Variants in PCDHGA7 observed in about 807,000 individuals in gnomAD.
PCDHGA7 encodes protocadherin gamma-A7.
PCDHGA7 carries 44 observed loss-of-function variants against 58.3 expected under a neutral mutation model. The observed-to-expected ratio is 0.75, with a 90% CI of 0.59 to 0.97. The LOEUF (loss-of-function observed/expected upper bound fraction) is 0.97, where lower values mean the gene tolerates loss of function less well. Ranked by LOEUF, PCDHGA7 falls within the 50% of genes least tolerant of loss-of-function variation. The pLI is 0.00. For missense variants in PCDHGA7, 1,266 were observed against 1,188.7 expected (o/e 1.06, Z -0.96); for synonymous variants, 516 against 504.2 (o/e 1.02, Z -0.31).
chr5:141,399,807 C>T, intron 1 of PCDHGA7: 1 of 1,613,222 alleles, frequency 6.2e-7, no homozygotes, highest in Non-Finnish European at 8.5e-7. Context: ...GGGTGCTGTA[C>T]CCCGCGCTGG....
intron 3 of PCDHGA7, among the ~76,000 whole-genome samples, chr5:141,510,378 C>A (rs919650449): frequency 6.6e-6 from 1 of 151,786 alleles, no homozygotes; most frequent in East Asian, 2.0e-4. Flanking sequence ...TCTACTCGTG[C>A]CAGGCCTTGC....
Position 141,485,261 on chromosome 5 carries a change from C to G in PCDHGA7, c.2425-9546C>G, listed in dbSNP as rs759268725. 1 of 1,614,076 alleles carries G rather than the reference C, an allele frequency of 6.2e-7. No homozygotes were observed. The highest frequency in any genetic ancestry group is 8.5e-7 in the Non-Finnish European group (1 of 1,179,904). On this transcript the variant is annotated intron_variant, in intron 1 of 3. Transcript: ENST00000518325. This position sits in a 1 kb window ranked among gnomAD's most constrained non-coding sequence, Gnocchi z 5.7. The stretch of plus-strand genomic sequence containing the variant: ...TTACCACCTGGGTTACGTTTGTGGG[C>G]AGATCCGCTACCCGGTCCCAGAGGA...
chr5:141,478,758 T>C (rs1333135263), intron 1 of PCDHGA7: 2 of 1,515,540 alleles, frequency 1.3e-6, no homozygotes, highest in South Asian at 1.3e-5. Flanking sequence ...AGGGGGAAGA[T>C]ACTTGACTCA....
chr5:141,476,801 C>A lies in PCDHGA7; in HGVS notation c.2425-18006C>A, dbSNP rs752954707. The A allele has an allele frequency of 5.8e-5, 94 of 1,613,468 alleles. No homozygotes were observed. The highest frequency in any genetic ancestry group is 7.9e-5 in the Non-Finnish European group (93 of 1,180,028). The stretch of plus-strand genomic sequence containing the variant: ...GACCCCAGCTCTCTCCGCCAGCCTG[C>A]CTATTCACATCAAGGTGCTGGACGC... On this transcript the variant is annotated intron_variant, in intron 1 of 3. Transcript: ENST00000518325. This position sits in a 1 kb window ranked among gnomAD's most constrained non-coding sequence, Gnocchi z 7.6.
intron 1 of PCDHGA7, chr5:141,399,213 T>G (rs2093770836): frequency 6.2e-7 from 1 of 1,613,970 alleles, no homozygotes; most frequent in East Asian, 2.2e-5. Context: ...GAACACTAAT[T>G]GCTTTGATCA....
intron 1 of PCDHGA7, among the ~76,000 whole-genome samples, chr5:141,429,664 ATTATT>A (rs2097234085): frequency 6.6e-6 from 1 of 152,214 alleles, no homozygotes; most frequent in Non-Finnish European, 1.5e-5. Context: ...TTTAAAATAT[ATTATT>A]TTATTTTATG....
chr5:141,493,560 C>T lies in PCDHGA7; in HGVS notation c.2425-1247C>T, dbSNP rs1222578153. ...TTATCCTTTTGGAGATTGAGTTCCCCCAGCTCCGTTTCCTCCTATCACAAT... is the reference window on the plus strand; with the variant it reads ...TTATCCTTTTGGAGATTGAGTTCCCTCAGCTCCGTTTCCTCCTATCACAAT... On this transcript the variant is annotated intron_variant, in intron 1 of 3. Transcript: ENST00000518325. The surrounding 1 kb of genome is among the most constrained non-coding windows in gnomAD (Gnocchi z 4.3). Among the ~76,000 whole-genome samples, 4 of 152,162 alleles carry T rather than the reference C, an allele frequency of 2.6e-5. No individual in the cohort carries two copies. The highest frequency in any genetic ancestry group is 2.1e-4 in the South Asian group (1 of 4,830).
intron 1 of PCDHGA7, chr5:141,422,195 A>G: frequency 6.4e-7 from 1 of 1,562,278 alleles, no homozygotes; most frequent in African/African-American, 1.4e-5. Flanking sequence ...ATTCAAGGCC[A>G]AGATGGTGGA....
rs769074023 is a variant in PCDHGA7, at chr5:141,491,738, G to A, written c.2425-3069G>A. ...GCGCCGCCCCGGGCGACCCCTGGGG[G>A]CGGCACTGGAGAAGCCGCCCGTCCT... On this transcript the variant is annotated intron_variant, in intron 1 of 3. Transcript: ENST00000518325. The surrounding 1 kb of genome is among the most constrained non-coding windows in gnomAD (Gnocchi z 6.9). 6.2e-7 allele frequency: 1 copy of A among 1,600,346 alleles called. No homozygotes were observed. The highest frequency in any genetic ancestry group is 8.5e-7 in the Non-Finnish European group (1 of 1,174,196).
chr5:141,422,775 T>G (rs1179216247), intron 1 of PCDHGA7: 1 of 1,614,046 alleles, frequency 6.2e-7, no homozygotes, highest in Non-Finnish European at 8.5e-7. Context: ...GTGTTCTCTA[T>G]GCCCTACAAT....
intron 1 of PCDHGA7, among the ~76,000 whole-genome samples, chr5:141,472,437 G>A (rs1332528325): frequency 6.6e-6 from 1 of 152,116 alleles, no homozygotes; most frequent in Non-Finnish European, 1.5e-5. Flanking sequence ...CTACTAGGGA[G>A]GCTGAGGCAG....
At chr5:141,394,435 C>G (rs1473725556) in intron 1 of PCDHGA7, 1 of 1,614,246 alleles carries the variant, frequency 6.2e-7, no homozygotes, top group Non-Finnish European at 8.5e-7. Flanking sequence ...GGGGACCCGC[C>G]CCTCAGCAGC....
intron 1 of PCDHGA7, chr5:141,394,163 T>C (rs1207627975): frequency 3.7e-6 from 6 of 1,613,782 alleles, no homozygotes; most frequent in Non-Finnish European, 5.1e-6. Flanking sequence ...ACAACCCTCC[T>C]ACTTTCCCTC....
rs368778165 is a variant in PCDHGA7 at position 141,383,606 on chromosome 5, A to G, written c.707A>G (p.Asn236Ser). 1 of 1,613,768 alleles carries G rather than the reference A, an allele frequency of 6.2e-7. No homozygotes were observed. The highest frequency in any genetic ancestry group is 8.5e-7 in the Non-Finnish European group (1 of 1,179,874). The change falls in exon 1 of 4, where the codon AAT (asparagine) becomes AGT (serine). Residue 236 changes from asparagine (N) to serine (S), a missense_variant. Transcript: ENST00000518325. Reference sequence around the variant, plus strand: ...ATCCAGGTGACAGTGGTGGATGTGAATGACCACACGCCTGTCTTCTCTCTG... The same window carrying G: ...ATCCAGGTGACAGTGGTGGATGTGAGTGACCACACGCCTGTCTTCTCTCTG... ...AHIQVTVVDV[N>S]DHTPVFSLPQ...
chr5:141,448,464 T>C lies in PCDHGA7; in HGVS notation c.2425-46343T>C, dbSNP rs186054602. Among the ~76,000 whole-genome samples the C allele has an allele frequency of 2.6e-3, 402 of 152,296 alleles. 10 individuals are homozygous for C. The highest frequency in any genetic ancestry group is 0.023 in the Admixed American group (357 of 15,282). ...CTGACTTCCATCCCTATCCTACTCCTATTCCACCCTTGCTTCCTCCTGTCC... is the reference window on the plus strand; with the variant it reads ...CTGACTTCCATCCCTATCCTACTCCCATTCCACCCTTGCTTCCTCCTGTCC... On this transcript the variant is annotated intron_variant, in intron 1 of 3. Transcript: ENST00000518325.
In PCDHGA7 at chr5:141,415,732, T is replaced by C. The variant is rs1159160519; in HGVS notation, c.2424+30409T>C. 4 of 1,411,138 alleles carry C rather than the reference T, an allele frequency of 2.8e-6. No individual in the cohort carries two copies. In the South Asian group the frequency reaches 5.0e-5, roughly 18 times the overall value. The allele number at this position is 1,411,138 out of a possible 1,614,324, so 87.4% of individuals were successfully genotyped here. ...AACACTGATGAGTAGAATTTGATGT[T>C]TATTAAGGTTTTTTTTTTTTTTTTT... On this transcript the variant is annotated intron_variant, in intron 1 of 3. Coordinates refer to ENST00000518325, the MANE Select transcript of PCDHGA7 (RefSeq NM_018920.4).
At chr5:141,460,453 A>G (rs1487816393) in intron 1 of PCDHGA7, among the ~76,000 whole-genome samples, 1 of 152,152 alleles carries the variant, frequency 6.6e-6, no homozygotes, top group Non-Finnish European at 1.5e-5. Flanking sequence ...ATGAAGATTC[A>G]TATTTTTTTC....
rs1485520054 is a variant in PCDHGA7 at position 141,511,210 on chromosome 5, C to T, written c.*37C>T. 6.2e-7 allele frequency: 1 copy of T among 1,609,328 alleles called. No individual in the cohort carries two copies. The highest frequency in any genetic ancestry group is 1.3e-5 in the African/African-American group (1 of 74,896). ...GGCCAAGAGCCACAGGGCGGCCTCT[C>T]CCCAACCAGCCCAGCTTCTCCTTAC... On this transcript the variant is annotated 3_prime_UTR_variant, in exon 4 of 4. Transcript: ENST00000518325.
rs1001717368 is a variant in PCDHGA7 at position 141,405,559 on chromosome 5, G to A, written c.2424+20236G>A. ...CTCAGCCTCCCAAGTAGAGTAGCTG[G>A]GACTAGAGTAGAGTAGCTGGGACTA... On this transcript the variant is annotated intron_variant, in intron 1 of 3. Transcript: ENST00000518325. 1.8e-5 allele frequency: 11 copies of A among 614,566 alleles called. No individual in the cohort carries two copies. In the Admixed American group the frequency reaches 2.9e-4, roughly 16 times the overall value. The allele number at this position is 614,566 out of a possible 1,614,324, so 38.1% of individuals were successfully genotyped here.
Sources: allele counts gnomAD v4.1 joint callset (sites outside exome capture counted in the v4.1 genomes callset), GRCh38; gene constraint gnomAD v4.1.1; non-coding constraint Gnocchi (gnomAD v3.1); transcripts MANE v1.5; gene names NCBI Gene and HGNC (gene_info 2026-07-23, HGNC 2026-07-21).